The following WDR74 variants were observed in gnomAD, a reference collection of about 807,000 sequenced individuals.
WDR74 encodes WD repeat domain 74, also known as WD repeat-containing protein 74.
A neutral mutation model predicts 45.6 loss-of-function variants in WDR74; 31 were observed. The observed-to-expected ratio is 0.68, with a 90% CI of 0.51 to 0.92. The LOEUF (loss-of-function observed/expected upper bound fraction) is 0.92. Ranked by LOEUF, WDR74 falls within the 40% of genes least tolerant of loss-of-function variation. The probability of loss-of-function intolerance (pLI) is 0.00; values close to 1 mark genes in which losing one functional copy is unlikely to be tolerated. For missense variants in WDR74, 455 were observed against 497.2 expected (o/e 0.92, Z 0.81); for synonymous variants, 191 against 192.4 (o/e 0.99, Z 0.06).
intron 10 of WDR74, 77 bp from the exon 11 acceptor site, chr11:62,833,208 G>T: frequency 6.7e-7 from 1 of 1,481,548 alleles, no homozygotes; most frequent in Non-Finnish European, 9.2e-7. Context: ...AGCACTTTGG[G>T]AGACCAAGGC....
Position 62,839,112 on chromosome 11 carries a change from A to G in WDR74, c.293+2T>C, listed in dbSNP as rs1590990425. 6.2e-7 allele frequency: 1 copy of G among 1,612,872 alleles called. No individual in the cohort carries two copies. Among genetic ancestry groups the G allele is most frequent in the African/African-American group, 1.3e-5 (1 of 74,864 alleles). On this transcript the variant is annotated splice_donor_variant, in intron 3 of 10. Transcript: ENST00000278856. LOFTEE classifies it high-confidence loss of function. ...TGAGTTTAGCGAGGGGATTGGTCTT[A>G]CCCGTCGGCCTGGGCGAGGCCACGG...
chr11:62,838,777 AAAAAC>A (rs1229054877), intron 3 of WDR74, among the ~76,000 whole-genome samples: 2 of 151,832 alleles, frequency 1.3e-5, no homozygotes, highest in African/African-American at 2.4e-5. Context: ...AAAAAAAACA[AAAAAC>A]AAACACACAC....
Position 62,835,164 on chromosome 11 carries a change from T to C in WDR74, c.618+267A>G, listed in dbSNP as rs1015949684. 11 of 452,666 alleles carry C rather than the reference T, an allele frequency of 2.4e-5. No individual in the cohort carries two copies. The East Asian group carries it at 4.2e-4, about 17-fold the overall frequency. 28.0% of individuals were successfully genotyped at this position (452,666 alleles called of 1,614,324 possible). A position where few individuals can be genotyped will look rare whatever the true frequency, so the allele number is the denominator to read the frequency against. ...ACCCAGCCCAATGTCCTCTGACACC[T>C]GCACCCTATAATTCCCACAGTGAAG... On this transcript the variant is annotated intron_variant, in intron 6 of 10. Coordinates refer to ENST00000278856, the MANE Select transcript of WDR74 (RefSeq NM_001369450.1).
Position 62,839,144 on chromosome 11 carries a change from C to A in WDR74, c.263G>T (p.Gly88Val), listed in dbSNP as rs2134897503. 1 of 1,613,572 alleles carries A rather than the reference C, an allele frequency of 6.2e-7. No homozygotes were observed. Among genetic ancestry groups the A allele is most frequent in the Non-Finnish European group, 8.5e-7 (1 of 1,179,894 alleles). The change falls in exon 3 of 11, where the codon GGC (glycine) becomes GTC (valine). Residue 88 changes from glycine (G) to valine (V), a missense_variant. Coordinates refer to ENST00000278856, the MANE Select transcript of WDR74 (RefSeq NM_001369450.1). ...QGQRHCPGGE[G>V]MFRGLAQADG... Reference sequence around the variant, plus strand: ...GGCCTGGGCGAGGCCACGGAACATGCCCTCCCCGCCCGGGCAGTGTCTCTG... The same window carrying A: ...GGCCTGGGCGAGGCCACGGAACATGACCTCCCCGCCCGGGCAGTGTCTCTG...
intron 6 of WDR74, chr11:62,835,009 A>G (rs3794046): frequency 0.077 from 16,887 of 220,620 alleles, 855 homozygotes; most frequent in East Asian, 0.15. Flanking sequence ...AATGAGACAA[A>G]CCATAAAGAT....
rs1168405489 is a variant in WDR74, at chr11:62,834,811, G to C, written c.619-284C>G. On this transcript the variant is annotated intron_variant, in intron 6 of 10. Transcript: ENST00000278856. Reference sequence around the variant, plus strand: ...CTAGGGGAAATGGAGGGACAGAAAAGCAAGTTGGTCTAGTAGTCAGTAGGT... The same window carrying C: ...CTAGGGGAAATGGAGGGACAGAAAACCAAGTTGGTCTAGTAGTCAGTAGGT... 4 of 436,976 alleles carry C rather than the reference G, an allele frequency of 9.2e-6. No homozygotes were observed. In the East Asian group the frequency reaches 1.2e-4, roughly 13 times the overall value. 27.1% of individuals were successfully genotyped at this position (436,976 alleles called of 1,614,324 possible).
intron 3 of WDR74, 123 bp downstream of exon 3, chr11:62,838,991 G>A: frequency 7.2e-7 from 1 of 1,395,424 alleles, no homozygotes; most frequent in Non-Finnish European, 9.7e-7. Context: ...CAGAAACCCA[G>A]GTCCCTGTCA....
chr11:62,832,934 A>AAAGT lies in WDR74; in HGVS notation c.*14_*17dup. 5.1e-6 allele frequency: 8 copies of AAAGT among 1,583,612 alleles called. No individual in the cohort carries two copies. The highest frequency in any genetic ancestry group is 6.9e-6 in the Non-Finnish European group (8 of 1,167,026). Reference sequence around the variant, plus strand: ...GGTGGGTGTTCAGCAGTTTATTTACAAAGTGGGCACAGGGGCGTCAGGGGC... The same window carrying AAAGT: ...GGTGGGTGTTCAGCAGTTTATTTACAAAGTAAGTGGGCACAGGGGCGTCAGGGGC... On this transcript the variant is annotated 3_prime_UTR_variant, in exon 11 of 11. Coordinates refer to ENST00000278856, the MANE Select transcript of WDR74 (RefSeq NM_001369450.1).
chr11:62,839,597 CA>C, upstream of WDR74: 25 of 1,584,446 alleles, frequency 1.6e-5, no homozygotes, highest in Non-Finnish European at 2.1e-5. Context: ...AGACAGTTCA[CA>C]CTTCCGGCGC....
chr11:62,839,663 G>C, upstream of WDR74: 2 of 1,442,722 alleles, frequency 1.4e-6, no homozygotes, highest in Non-Finnish European at 9.3e-7. Flanking sequence ...GTAGTTGCTG[G>C]AAGTTTGAAG....
chr11:62,841,342 T>C (rs78268498), upstream of WDR74, among the ~76,000 whole-genome samples: 1 of 151,772 alleles, frequency 6.6e-6, no homozygotes, highest in South Asian at 2.1e-4. Context: ...GAAATAAAAA[T>C]GGAAAACATT....
At chr11:62,841,549 C>T (rs150897455), upstream of WDR74, 223 of 151,226 alleles carry the variant, frequency 1.5e-3, no homozygotes, top group African/African-American at 5.0e-3. Flanking sequence ...ACAACAAGAA[C>T]ATAACTATTT....
At position 62,834,537 on chromosome 11, in the gene WDR74, G is replaced by T. The variant is rs1170205376; in HGVS notation, c.619-10C>A. 1.2e-6 allele frequency: 2 copies of T among 1,602,160 alleles called. No homozygotes were observed. Among genetic ancestry groups the T allele is most frequent in the Non-Finnish European group, 1.7e-6 (2 of 1,178,018 alleles). ...GATCATAAACACGGACCTAGAGGAA[G>T]GCTGAAGCATCACAAAAGTATCCTC... On this transcript the variant is annotated splice_polypyrimidine_tract_variant and intron_variant, in intron 6 of 10. Transcript: ENST00000278856.
upstream of WDR74, chr11:62,841,681 A>T (rs932837465): frequency 2.6e-5 from 4 of 152,000 alleles, no homozygotes; most frequent in African/African-American, 4.8e-5. Context: ...GGACGGAGCA[A>T]GCTCCTATTC....
At chr11:62,834,152 G>A in intron 8 of WDR74, 124 bp downstream of exon 8, 3 of 1,508,964 alleles carry the variant, frequency 2.0e-6, no homozygotes, top group Non-Finnish European at 2.8e-6. Context: ...GGGAAACCAG[G>A]ATTTAAACCC....
chr11:62,834,189 T>C (rs563031844), intron 8 of WDR74, 87 bp downstream of exon 8: 67 of 1,585,792 alleles, frequency 4.2e-5, no homozygotes, highest in Non-Finnish European at 5.2e-5. Context: ...GAATGAGGCC[T>C]CACTGGCCCC....
chr11:62,834,058 C>A, intron 8 of WDR74, 121 bp from the exon 9 acceptor site: 1 of 1,467,752 alleles, frequency 6.8e-7, no homozygotes, highest in Non-Finnish European at 9.2e-7. Context: ...GAGACTGGAG[C>A]TTCTACTAAT....
At chr11:62,841,628 A>G (rs1424170381), upstream of WDR74, 1 of 152,218 alleles carries the variant, frequency 6.6e-6, no homozygotes, top group African/African-American at 2.4e-5. Flanking sequence ...GGGAGAGTGC[A>G]CCGTTCCTGG....
chr11:62,841,344 G>A (rs897575416), upstream of WDR74, among the ~76,000 whole-genome samples: 3 of 152,022 alleles, frequency 2.0e-5, no homozygotes, highest in Admixed American at 6.6e-5. Flanking sequence ...AATAAAAATG[G>A]AAAACATTAG....
Sources: allele counts gnomAD v4.1 joint callset (sites outside exome capture counted in the v4.1 genomes callset), GRCh38; gene constraint gnomAD v4.1.1; transcripts MANE v1.5; gene names NCBI Gene and HGNC (gene_info 2026-07-23, HGNC 2026-07-21).